ZNF790: variants seen among roughly 807,000 people sequenced by gnomAD.
ZNF790 encodes zinc finger protein 790.
In ZNF790, 8 loss-of-function variants were observed where a neutral mutation model predicts 12.1. The ratio of observed to expected loss-of-function variants is 0.66; its 90% CI spans 0.39 to 1.19. The LOEUF (loss-of-function observed/expected upper bound fraction) is 1.19. ZNF790 is among the 50% of genes most tolerant of loss of function. ZNF790 has a pLI of 0.01. For missense variants in ZNF790, 707 were observed against 752.2 expected (o/e 0.94, Z 0.70); for synonymous variants, 252 against 244.3 (o/e 1.03, Z -0.29).
At chr19:36,832,542 A>G (rs1011359474) in intron 1 of ZNF790, among the ~76,000 whole-genome samples, 3 of 152,090 alleles carry the variant, frequency 2.0e-5, no homozygotes, top group African/African-American at 4.8e-5. Flanking sequence ...ACTGAAGTCT[A>G]TTGCCAATAG....
In ZNF790 at chr19:36,828,418, G is replaced by A. The variant is rs1056032055; in HGVS notation, c.-73-2726C>T. Among the ~76,000 whole-genome samples, 6 of 151,524 alleles carry A rather than the reference G, an allele frequency of 4.0e-5. 1 individual carries two copies. The South Asian group carries it at 6.3e-4, about 16-fold the overall frequency. On this transcript the variant is annotated intron_variant, in intron 1 of 4. Coordinates refer to ENST00000356725, the MANE Select transcript of ZNF790 (RefSeq NM_206894.4). ...GCGGAGGTTGCGGTGAGCTGAGATC[G>A]TGCCATTGCACTCCAGCCTGGGCAA...
chr19:36,819,666 A>T lies in ZNF790; in HGVS notation c.678T>A (p.Tyr226Ter), dbSNP rs764650198. The T allele has an allele frequency of 6.2e-7, 1 of 1,610,614 alleles. No individual in the cohort carries two copies. The highest frequency in any genetic ancestry group is 2.2e-5 in the East Asian group (1 of 44,824). ...AAGACTTCCCACATTCTTTACATTC[A>T]TATGTTTTCTTAACAGTGTGAACTG... ...YQTVHTVKKT[Y>*]ECKECGKSFS... Residue 226 changes from tyrosine to a stop codon, truncating the protein, a stop_gained, in exon 5 of 5, where the codon TAT (tyrosine) becomes TAA (stop). Transcript: ENST00000356725. LOFTEE classifies it low-confidence loss of function (END_TRUNC).
Position 36,817,784 on chromosome 19 carries a change from A to C in ZNF790, c.*649T>G, listed in dbSNP as rs952249211. The C allele has an allele frequency of 6.6e-6, 1 of 152,170 alleles. No individual in the cohort carries two copies. Among genetic ancestry groups the C allele is most frequent in the Non-Finnish European group, 1.5e-5 (1 of 68,026 alleles). The allele number at this position is 152,170 out of a possible 1,614,324, so 9.4% of individuals were successfully genotyped here. On this transcript the variant is annotated 3_prime_UTR_variant, in exon 5 of 5. Coordinates refer to ENST00000356725, the MANE Select transcript of ZNF790 (RefSeq NM_206894.4). ...TGTGGAAATACAACAGAATTTTGCT[A>C]ATGATGAAAGATTTCCAAAATGAAT...
Position 36,818,413 on chromosome 19 carries a change from C to T in ZNF790, c.*20G>A. 1 of 1,500,678 alleles carries T rather than the reference C, an allele frequency of 6.7e-7. No homozygotes were observed. The highest frequency in any genetic ancestry group is 8.9e-7 in the Non-Finnish European group (1 of 1,122,972). 93.0% of individuals were successfully genotyped at this position (1,500,678 alleles called of 1,614,324 possible). A position where few individuals can be genotyped will look rare whatever the true frequency, so the allele number is the denominator to read the frequency against. On this transcript the variant is annotated 3_prime_UTR_variant, in exon 5 of 5. Coordinates refer to ENST00000356725, the MANE Select transcript of ZNF790 (RefSeq NM_206894.4). ...TAATGAGTCATGAATAAAGCCCTTC[C>T]TACACTTTTATATAATATTTCACAA...
chr19:36,836,618 G>A (rs1384940845), intron 1 of ZNF790, among the ~76,000 whole-genome samples: 1 of 152,146 alleles, frequency 6.6e-6, no homozygotes, highest in East Asian at 1.9e-4. Flanking sequence ...TTAGCTGGGC[G>A]TGGTGGCACG....
At chr19:36,829,373 G>T (rs1040464135) in intron 1 of ZNF790, among the ~76,000 whole-genome samples, 3 of 152,130 alleles carry the variant, frequency 2.0e-5, no homozygotes, top group African/African-American at 7.2e-5. Flanking sequence ...ACTTTCATAT[G>T]AATGGAATAA....
At chr19:36,822,781 C>T (rs939743047) in intron 4 of ZNF790, among the ~76,000 whole-genome samples, 4 of 152,126 alleles carry the variant, frequency 2.6e-5, no homozygotes, top group Non-Finnish European at 4.4e-5. Context: ...CTCAGGTGGA[C>T]TGCCTGCCTC....
chr19:36,834,981 T>C (rs2072015274), intron 1 of ZNF790, among the ~76,000 whole-genome samples: 1 of 152,248 alleles, frequency 6.6e-6, no homozygotes, highest in African/African-American at 2.4e-5. Flanking sequence ...AAGCAAAAGT[T>C]ACAGGTTATA....
chr19:36,842,527 G>A (rs1247210065), upstream of ZNF790, among the ~76,000 whole-genome samples: 3 of 151,848 alleles, frequency 2.0e-5, no homozygotes, highest in Non-Finnish European at 4.4e-5. Flanking sequence ...TATTTAAAAA[G>A]GTATTCACCT....
intron 1 of ZNF790, among the ~76,000 whole-genome samples, chr19:36,835,765 C>G (rs1298976709): frequency 6.6e-6 from 1 of 151,346 alleles, no homozygotes; most frequent in African/African-American, 2.4e-5. Flanking sequence ...CTTCTAGAGG[C>G]CACCAACATT....
intron 1 of ZNF790, among the ~76,000 whole-genome samples, chr19:36,844,336 A>C (rs1023357343): frequency 1.8e-4 from 27 of 151,554 alleles, no homozygotes; most frequent in African/African-American, 5.6e-4. Flanking sequence ...CAAAAAACAA[A>C]AAAAAAAAAA....
intron 2 of ZNF790, 65 bp downstream of exon 2, chr19:36,825,546 T>G: frequency 6.6e-7 from 1 of 1,517,896 alleles, no homozygotes; most frequent in Non-Finnish European, 9.2e-7. Flanking sequence ...GGATAAGCAA[T>G]AAAAATATTC....
At chr19:36,825,111 T>C (rs1568336872) in intron 2 of ZNF790, among the ~76,000 whole-genome samples, 1 of 152,212 alleles carries the variant, frequency 6.6e-6, no homozygotes, top group African/African-American at 2.4e-5. Context: ...TAACCTTTCA[T>C]TAATTTCCTG....
At chr19:36,844,416 C>T (rs982627841) in intron 1 of ZNF790, among the ~76,000 whole-genome samples, 2 of 151,420 alleles carry the variant, frequency 1.3e-5, no homozygotes, top group Non-Finnish European at 2.9e-5. Context: ...AAATGTGATC[C>T]TGGCATTAGA....
rs1568331546 is a variant in ZNF790 at position 36,817,639 on chromosome 19, G to A, written c.*794C>T. On this transcript the variant is annotated 3_prime_UTR_variant, in exon 5 of 5. Coordinates refer to ENST00000356725, the MANE Select transcript of ZNF790 (RefSeq NM_206894.4). ...ATAATCTAATGAATACGATTAAACA[G>A]ACATAGATTTAAGATACTTTCCAAA... The A allele has an allele frequency of 1.4e-5, 2 of 147,134 alleles. No homozygotes were observed. Among genetic ancestry groups the A allele is most frequent in the Admixed American group, 6.8e-5 (1 of 14,620 alleles). The allele number at this position is 147,134 out of a possible 1,614,324, so 9.1% of individuals were successfully genotyped here.
intron 4 of ZNF790, among the ~76,000 whole-genome samples, chr19:36,821,737 C>G (rs2071677771): frequency 6.6e-6 from 1 of 152,104 alleles, no homozygotes; most frequent in Non-Finnish European, 1.5e-5. Flanking sequence ...GCGCCCACCC[C>G]CATGCCCAGC....
In ZNF790 at chr19:36,826,307, C is replaced by T. The variant is rs367669115; in HGVS notation, c.-73-615G>A. 5.9e-5 allele frequency among the ~76,000 whole-genome samples: 9 copies of T among 152,046 alleles called. No homozygotes were observed. In the East Asian group the frequency reaches 9.7e-4, roughly 16 times the overall value. ...ACTTTTATTAAAAAAATATATTGGCCGGGCGTGGTGGCTCTCGCCTGTAAT... is the reference window on the plus strand; with the variant it reads ...ACTTTTATTAAAAAAATATATTGGCTGGGCGTGGTGGCTCTCGCCTGTAAT... On this transcript the variant is annotated intron_variant, in intron 1 of 4. Transcript: ENST00000356725.
chr19:36,823,554 G>A (rs2071723905), intron 3 of ZNF790, 113 bp downstream of exon 3: 13 of 1,418,786 alleles, frequency 9.2e-6, no homozygotes, highest in Admixed American at 4.3e-5. Flanking sequence ...TTTACAAAGC[G>A]CAAACCATTT....
intron 1 of ZNF790, among the ~76,000 whole-genome samples, chr19:36,833,648 A>G (rs1449024931): frequency 6.6e-6 from 1 of 152,218 alleles, no homozygotes; most frequent in Non-Finnish European, 1.5e-5. Context: ...GGTGGCTATA[A>G]TATCAAGACA....
Sources: allele counts gnomAD v4.1 joint callset (sites outside exome capture counted in the v4.1 genomes callset), GRCh38; gene constraint gnomAD v4.1.1; transcripts MANE v1.5; gene names NCBI Gene and HGNC (gene_info 2026-07-23, HGNC 2026-07-21).